The following MTRF1 variants were observed in gnomAD, a reference collection of about 807,000 sequenced individuals.
MTRF1 encodes the protein mitochondrial translation release factor 1, also known as peptide chain release factor 1, mitochondrial.
MTRF1 carries 51 observed loss-of-function variants against 62.9 expected under a neutral mutation model. The observed-to-expected ratio is 0.81, with a 90% CI of 0.65 to 1.02. The LOEUF is 1.02. MTRF1 is among the 50% of genes least tolerant of loss of function. The pLI is 0.00. For synonymous variants in MTRF1, 158 were observed against 181.9 expected (o/e 0.87, Z 1.06); for missense variants, 446 against 530.0 (o/e 0.84, Z 1.56).
the MTRF1 span, among the ~76,000 whole-genome samples, chr13:41,298,172 C>T: frequency 6.6e-6 from 1 of 152,172 alleles, no homozygotes; most frequent in African/African-American, 2.4e-5. Context: ...GTTGCAAACT[C>T]ATGATCTTTT....
the MTRF1 span, among the ~76,000 whole-genome samples, chr13:41,272,569 A>G: frequency 2.0e-5 from 3 of 152,162 alleles, no homozygotes; most frequent in Non-Finnish European, 4.4e-5. Flanking sequence ...ACGAAACCCA[A>G]CAATATGATC....
At chr13:41,288,379 G>C in the MTRF1 span, 9 of 204,332 alleles carry the variant, frequency 4.4e-5, no homozygotes, top group African/African-American at 7.1e-5. Flanking sequence ...GAAGTGGTGG[G>C]ATAGAAGCAT....
intron 5 of MTRF1, among the ~76,000 whole-genome samples, chr13:41,241,620 C>A (rs2037511595): frequency 6.6e-6 from 1 of 152,180 alleles, no homozygotes; most frequent in Non-Finnish European, 1.5e-5. Context: ...TTTAGTCCTG[C>A]CCATTTAAAA....
intron 6 of MTRF1, 65 bp downstream of exon 6, chr13:41,240,195 GC>G: frequency 7.0e-7 from 1 of 1,419,924 alleles, no homozygotes; most frequent in African/African-American, 1.5e-5. Flanking sequence ...TTTCCTAGAA[GC>G]TAAGGCTTCC....
chr13:41,294,542 G>T, the MTRF1 span, among the ~76,000 whole-genome samples: 2 of 151,968 alleles, frequency 1.3e-5, no homozygotes, highest in South Asian at 4.1e-4. Flanking sequence ...AGATAGGAAA[G>T]AACCGGTAAG....
chr13:41,270,539 A>G, the MTRF1 span, among the ~76,000 whole-genome samples: 1 of 152,156 alleles, frequency 6.6e-6, no homozygotes, highest in Non-Finnish European at 1.5e-5. Context: ...CTGTCTCACT[A>G]CCCTAGGCAG....
rs1376700556 is a variant in MTRF1, at chr13:41,252,932, AAAGT to A, written c.589+13_589+16del. ...GGACTTTTTAGATCATTTAAATAAT[AAAGT>A]AAGTTTACTGACCTCCAGTAGTCCT... On this transcript the variant is annotated intron_variant, in intron 4 of 9. Transcript: ENST00000379480. 2 of 1,555,850 alleles carry A rather than the reference AAAGT, an allele frequency of 1.3e-6. No homozygotes were observed. The highest frequency in any genetic ancestry group is 4.5e-5 in the East Asian group (2 of 44,540).
the MTRF1 span, among the ~76,000 whole-genome samples, chr13:41,277,174 C>G: frequency 6.6e-6 from 1 of 151,828 alleles, no homozygotes; most frequent in Non-Finnish European, 1.5e-5. Context: ...ATCTGTCACC[C>G]AGGCTGGAGT....
chr13:41,250,656 G>A (rs2038953330), intron 5 of MTRF1, among the ~76,000 whole-genome samples: 1 of 152,060 alleles, frequency 6.6e-6, no homozygotes, highest in Non-Finnish European at 1.5e-5. Flanking sequence ...ACCACACCCA[G>A]CTAATTTTTG....
Position 41,260,812 on chromosome 13 carries a change from C to A in MTRF1, c.96G>T (p.Gln32His). Reference sequence around the variant, plus strand: ...CTTGCAGCCTTGTATCAAGATGTATCTGTCTAAATTGATGAGAATGGAGCT... The same window carrying A: ...CTTGCAGCCTTGTATCAAGATGTATATGTCTAAATTGATGAGAATGGAGCT... ...HIQLHSHQFR[Q>H]IHLDTRLQVF... Residue 32 changes from glutamine to histidine, a missense_variant, in exon 2 of 10, where the codon CAG (glutamine) becomes CAT (histidine). By Grantham distance (24) the Gln-to-His change is conservative (BLOSUM62 0). Transcript: ENST00000379480. 6.2e-7 allele frequency: 1 copy of A among 1,614,118 alleles called. No individual in the cohort carries two copies. Among genetic ancestry groups the A allele is most frequent in the Non-Finnish European group, 8.5e-7 (1 of 1,180,004 alleles).
intron 5 of MTRF1, among the ~76,000 whole-genome samples, chr13:41,242,544 T>C (rs1713823508): frequency 6.6e-6 from 1 of 152,202 alleles, no homozygotes; most frequent in Non-Finnish European, 1.5e-5. Flanking sequence ...TGGCCAGAAA[T>C]AGGAAATACC....
chr13:41,235,019 GTTATT>G (rs2036234950), intron 6 of MTRF1: 1 of 152,100 alleles, frequency 6.6e-6, no homozygotes, highest in South Asian at 2.1e-4. Flanking sequence ...ACCAGGATGG[GTTATT>G]TTTAGAATTT....
At chr13:41,272,425 C>G in the MTRF1 span, among the ~76,000 whole-genome samples, 1 of 151,990 alleles carries the variant, frequency 6.6e-6, no homozygotes, top group Admixed American at 6.6e-5. Flanking sequence ...TTTGTTTTTC[C>G]TCTTTTGCAG....
Position 41,223,027 on chromosome 13 carries a change from C to T in MTRF1, c.1224+229G>A, listed in dbSNP as rs529405202. Among the ~76,000 whole-genome samples the T allele has an allele frequency of 5.9e-5, 9 of 152,140 alleles. No individual in the cohort carries two copies. In the South Asian group the frequency reaches 6.2e-4, roughly 11 times the overall value. On this transcript the variant is annotated intron_variant, in intron 9 of 9. Transcript: ENST00000379480. The stretch of plus-strand genomic sequence containing the variant: ...ACGTTCATGCATTGTGATTGCATAA[C>T]GAAGAATTTGGAATTTAGAAAAGAC...
chr13:41,265,915 T>C (rs2040831237), upstream of MTRF1, among the ~76,000 whole-genome samples: 2 of 152,158 alleles, frequency 1.3e-5, no homozygotes. Flanking sequence ...AGTGGCCTGA[T>C]CTTGGCTCAC....
chr13:41,285,645 G>A, the MTRF1 span, among the ~76,000 whole-genome samples: 1 of 152,204 alleles, frequency 6.6e-6, no homozygotes, highest in African/African-American at 2.4e-5. Context: ...TTACTGCTAT[G>A]AGTTCAAGGT....
chr13:41,242,266 C>A (rs1454212438), intron 5 of MTRF1, among the ~76,000 whole-genome samples: 1 of 152,172 alleles, frequency 6.6e-6, no homozygotes, highest in African/African-American at 2.4e-5. Context: ...TATTAAAGCT[C>A]AACTAGTCCC....
chr13:41,240,523 G>A, intron 5 of MTRF1, 90 bp from the exon 6 acceptor site: 1 of 1,243,816 alleles, frequency 8.0e-7, no homozygotes, highest in Non-Finnish European at 1.1e-6. Flanking sequence ...CCTGAATGTT[G>A]AGTACAGAGC....
chr13:41,274,515 C>T, the MTRF1 span, among the ~76,000 whole-genome samples: 1 of 151,708 alleles, frequency 6.6e-6, no homozygotes, highest in South Asian at 2.1e-4. Context: ...AAGAAAATGC[C>T]CAGACATATA....
Sources: allele counts gnomAD v4.1 joint callset (sites outside exome capture counted in the v4.1 genomes callset), GRCh38; gene constraint gnomAD v4.1.1; transcripts MANE v1.5; gene names NCBI Gene and HGNC (gene_info 2026-07-23, HGNC 2026-07-21).